Variants in CHN1 observed in about 807,000 individuals in gnomAD.
The protein encoded by CHN1 is N-chimaerin.
In CHN1, 37 loss-of-function variants were observed where a neutral mutation model predicts 59.5. The ratio of observed to expected loss-of-function variants is 0.62; its 90% CI spans 0.48 to 0.82. CHN1 has a LOEUF of 0.82. CHN1 is among the 40% of genes least tolerant of loss of function. The pLI, the probability that CHN1 is intolerant of heterozygous loss-of-function variation, is 0.00. For missense variants in CHN1, 469 were observed against 571.0 expected (o/e 0.82, Z 1.82); for synonymous variants, 206 against 200.4 (o/e 1.03, Z -0.24).
chr2:174,827,217 T>C (rs2646167), intron 7 of CHN1, among the ~76,000 whole-genome samples: 81,966 of 151,960 alleles, frequency 0.54, 23,114 homozygotes, highest in African/African-American at 0.68. Context: ...CTTTTATTCC[T>C]CTAAAGGTCA....
intron 1 of CHN1, among the ~76,000 whole-genome samples, chr2:175,002,134 C>T (rs1330697152): frequency 9.2e-5 from 14 of 152,202 alleles, no homozygotes; most frequent in Middle Eastern, 3.4e-3. Flanking sequence ...GCAAGGTGAG[C>T]GAGCAGAGTC....
chr2:174,845,252 A>C (rs1686468761), intron 7 of CHN1, among the ~76,000 whole-genome samples: 1 of 152,196 alleles, frequency 6.6e-6, no homozygotes, highest in African/African-American at 2.4e-5. Flanking sequence ...TGCTGAACAA[A>C]TCAGAGTACA....
intron 8 of CHN1, among the ~76,000 whole-genome samples, chr2:174,815,784 G>C (rs544673246): frequency 1.3e-5 from 2 of 151,862 alleles, no homozygotes; most frequent in East Asian, 3.9e-4. Context: ...AATTCTGAAT[G>C]GTATCTTTGA....
intron 5 of CHN1, among the ~76,000 whole-genome samples, chr2:174,890,911 A>G (rs1688023302): frequency 6.6e-6 from 1 of 152,052 alleles, no homozygotes; most frequent in Non-Finnish European, 1.5e-5. Flanking sequence ...GTGAAACCAG[A>G]TATCAATAGC....
At chr2:174,938,641 T>C (rs1689569303) in intron 3 of CHN1, among the ~76,000 whole-genome samples, 1 of 152,200 alleles carries the variant, frequency 6.6e-6, no homozygotes, top group Non-Finnish European at 1.5e-5. Flanking sequence ...AAGACATTTA[T>C]TGTATGCACA....
chr2:174,846,219 CA>C, intron 7 of CHN1: 1 of 1,441,334 alleles, frequency 6.9e-7, no homozygotes. Context: ...GATCTACATA[CA>C]GCTTGAATCA....
intron 4 of CHN1, among the ~76,000 whole-genome samples, chr2:174,917,040 A>G (rs2105372291): frequency 6.6e-6 from 1 of 152,282 alleles, no homozygotes; most frequent in Middle Eastern, 3.4e-3. Flanking sequence ...AAAAACACAA[A>G]GAATTAGCTG....
chr2:174,860,163 C>G (rs1034615971), intron 6 of CHN1, among the ~76,000 whole-genome samples: 7 of 152,086 alleles, frequency 4.6e-5, no homozygotes, highest in Non-Finnish European at 8.8e-5. Context: ...ACCTCCAAAC[C>G]AATGAAATGA....
intron 3 of CHN1, among the ~76,000 whole-genome samples, chr2:174,942,085 G>T (rs1451015357): frequency 6.6e-6 from 1 of 152,134 alleles, no homozygotes; most frequent in Non-Finnish European, 1.5e-5. Flanking sequence ...CAGCCATTAT[G>T]GAAAATGGTA....
chr2:174,935,551 T>A (rs1410556619), intron 3 of CHN1, among the ~76,000 whole-genome samples: 2 of 152,166 alleles, frequency 1.3e-5, no homozygotes, highest in African/African-American at 4.8e-5. Context: ...CTGAACATAA[T>A]CTGCTTGGGG....
chr2:174,970,378 A>G (rs1256691386), intron 1 of CHN1, among the ~76,000 whole-genome samples: 2 of 152,348 alleles, frequency 1.3e-5, no homozygotes, highest in East Asian at 1.9e-4. Flanking sequence ...CTCCAGAATA[A>G]GCAAAGTAAG....
intron 1 of CHN1, among the ~76,000 whole-genome samples, chr2:174,974,663 T>C (rs184262447): frequency 2.8e-4 from 43 of 152,206 alleles, no homozygotes; most frequent in African/African-American, 1.0e-3. Flanking sequence ...GTAGTAAATG[T>C]TTTCCCAGCA....
intron 5 of CHN1, among the ~76,000 whole-genome samples, chr2:174,909,476 C>T (rs1004200496): frequency 2.0e-5 from 3 of 152,128 alleles, no homozygotes; most frequent in Admixed American, 1.3e-4. Flanking sequence ...TCATGTTAGC[C>T]CTATCAACCT....
At chr2:174,868,023 A>AT (rs1333084508) in intron 6 of CHN1, among the ~76,000 whole-genome samples, 1 of 152,212 alleles carries the variant, frequency 6.6e-6, no homozygotes, top group Non-Finnish European at 1.5e-5. Flanking sequence ...ACTCATCAAA[A>AT]TGTTAACATA....
chr2:174,967,987 C>T (rs1221332756), intron 1 of CHN1, among the ~76,000 whole-genome samples: 1 of 152,068 alleles, frequency 6.6e-6, no homozygotes. Context: ...TTCTGCAATG[C>T]GGATTCACAG....
chr2:174,877,828 A>G lies in CHN1; in HGVS notation c.549+12T>C. 6.2e-7 allele frequency: 1 copy of G among 1,603,860 alleles called. No homozygotes were observed. On this transcript the variant is annotated intron_variant, in intron 6 of 12. Coordinates refer to ENST00000409900, the MANE Select transcript of CHN1 (RefSeq NM_001822.7). ...ACAGAAAAAGATAAAGTGTGGTTTC[A>G]TAGTAGCTTACCCTTTTCTCTGACA...
Position 175,005,356 on chromosome 2 carries a change from C to T in CHN1, c.-444G>A. ...ACTCCGCATCCCGCGGCCTCGCAGA[C>T]GCCATCTTGCGATAGCGTCTCCCAC... On this transcript the variant is annotated 5_prime_UTR_variant, in exon 1 of 13. Transcript: ENST00000409900. 8.9e-7 allele frequency: 1 copy of T among 1,123,936 alleles called. No homozygotes were observed. Among genetic ancestry groups the T allele is most frequent in the Non-Finnish European group, 1.1e-6 (1 of 906,170 alleles). 69.6% of individuals were successfully genotyped at this position (1,123,936 alleles called of 1,614,324 possible). A position where few individuals can be genotyped will look rare whatever the true frequency, so the allele number is the denominator to read the frequency against.
At chr2:174,997,576 T>C (rs1049844946) in intron 1 of CHN1, among the ~76,000 whole-genome samples, 2 of 152,126 alleles carry the variant, frequency 1.3e-5, no homozygotes, top group South Asian at 4.2e-4. Flanking sequence ...GGAAAAAATA[T>C]TTCAGTCAAA....
chr2:174,843,440 T>C (rs1460527255), intron 7 of CHN1, among the ~76,000 whole-genome samples: 2 of 152,082 alleles, frequency 1.3e-5, no homozygotes, highest in African/African-American at 4.8e-5. Context: ...GGTTTCCCCA[T>C]ATTGGCTAAG....
Sources: allele counts gnomAD v4.1 joint callset (sites outside exome capture counted in the v4.1 genomes callset), GRCh38; gene constraint gnomAD v4.1.1; transcripts MANE v1.5; gene names NCBI Gene and HGNC (gene_info 2026-07-23, HGNC 2026-07-21).